The following SEC24A variants were observed in gnomAD, a reference collection of about 807,000 sequenced individuals.
The protein encoded by SEC24A is protein transport protein Sec24A.
SEC24A carries 93 observed loss-of-function variants against 129.4 expected under a neutral mutation model. The ratio of observed to expected loss-of-function variants is 0.72; its 90% CI spans 0.61 to 0.85. The LOEUF (loss-of-function observed/expected upper bound fraction) is 0.85, where lower values mean the gene tolerates loss of function less well. Ranked by LOEUF, SEC24A falls within the 40% of genes least tolerant of loss-of-function variation. The pLI is 0.00. For synonymous variants in SEC24A, 460 were observed against 467.3 expected (o/e 0.98, Z 0.20); for missense variants, 1,264 against 1,307.4 (o/e 0.97, Z 0.51).
intron 4 of SEC24A, among the ~76,000 whole-genome samples, chr5:134,673,298 C>T (rs1280950658): frequency 1.3e-5 from 2 of 151,950 alleles, no homozygotes; most frequent in African/African-American, 4.8e-5. Flanking sequence ...TTGTGATCCA[C>T]CTACCTCGGC....
At chr5:134,651,832 G>A (rs1750064485) in intron 1 of SEC24A, among the ~76,000 whole-genome samples, 1 of 151,888 alleles carries the variant, frequency 6.6e-6, no homozygotes, top group Non-Finnish European at 1.5e-5. Flanking sequence ...TTGGAGAACA[G>A]GATATTTTTC....
intron 2 of SEC24A, among the ~76,000 whole-genome samples, chr5:134,664,433 C>T (rs1750582882): frequency 6.6e-6 from 1 of 151,910 alleles, no homozygotes; most frequent in African/African-American, 2.4e-5. Flanking sequence ...CTATCAGTGT[C>T]GTAAATAAGA....
rs1277488891 is a variant in SEC24A at position 134,675,221 on chromosome 5, A to C, written c.1151+4A>C. The C allele has an allele frequency of 1.2e-6, 2 of 1,606,720 alleles. No individual in the cohort carries two copies. The highest frequency in any genetic ancestry group is 1.7e-6 in the Non-Finnish European group (2 of 1,174,716). ...AGAAACTCAACTGTAACCCAGAGTA[A>C]GGCTTCAGATGTGACATTATGCATG... On this transcript the variant is annotated splice_donor_region_variant and intron_variant, in intron 6 of 22. Coordinates refer to ENST00000398844, the MANE Select transcript of SEC24A (RefSeq NM_021982.3).
Position 134,708,704 on chromosome 5 carries a change from C to T in SEC24A, c.2552-9C>T. On this transcript the variant is annotated splice_polypyrimidine_tract_variant and intron_variant, in intron 17 of 22. Transcript: ENST00000398844. ...ATTTCTTTTTTGTCCTTACCCTCAC[C>T]TTGCTTAGCTGTTGACAGATCTATG... 1.2e-6 allele frequency: 2 copies of T among 1,606,514 alleles called. No homozygotes were observed. Among genetic ancestry groups the T allele is most frequent in the Non-Finnish European group, 1.7e-6 (2 of 1,177,356 alleles).
At position 134,695,768 on chromosome 5, in the gene SEC24A, G is replaced by T. The variant is rs539733238; in HGVS notation, c.1987-1358G>T. On this transcript the variant is annotated intron_variant, in intron 13 of 22. Transcript: ENST00000398844. ...CACTCCAGCCTGAGCGACAGAGTGA[G>T]ACTCCGTCTCAAAACAACAACAACA... is the stretch of plus-strand genomic sequence containing the variant. 1.6e-4 allele frequency among the ~76,000 whole-genome samples: 24 copies of T among 151,906 alleles called. No individual in the cohort carries two copies. The South Asian group carries it at 2.9e-3, about 18-fold the overall frequency.
chr5:134,652,177 C>G (rs1750079880), intron 1 of SEC24A, among the ~76,000 whole-genome samples: 1 of 151,860 alleles, frequency 6.6e-6, no homozygotes, highest in Admixed American at 6.6e-5. Context: ...CCGCGTCGGC[C>G]TCCCAAAGTG....
At chr5:134,673,883 C>A (rs1750961840) in intron 4 of SEC24A, among the ~76,000 whole-genome samples, 1 of 152,104 alleles carries the variant, frequency 6.6e-6, no homozygotes, top group African/African-American at 2.4e-5. Flanking sequence ...GGCCTGTAAT[C>A]CTATCTTCGG....
chr5:134,658,034 T>C (rs1007755560), intron 1 of SEC24A, among the ~76,000 whole-genome samples: 9 of 152,120 alleles, frequency 5.9e-5, no homozygotes, highest in Non-Finnish European at 2.9e-5. Context: ...TTTGGGAGGC[T>C]GAGGTGGCCA....
At chr5:134,657,854 A>C (rs1370021395) in intron 1 of SEC24A, among the ~76,000 whole-genome samples, 1 of 152,218 alleles carries the variant, frequency 6.6e-6, no homozygotes, top group Non-Finnish European at 1.5e-5. Context: ...TCGGATTACA[A>C]GATCAAGCCA....
At chr5:134,716,957 G>A (rs1355602173) in intron 19 of SEC24A, among the ~76,000 whole-genome samples, 5 of 147,608 alleles carry the variant, frequency 3.4e-5, no homozygotes, top group South Asian at 2.2e-4. Context: ...TCGGCTCACC[G>A]CAGCCTCCGC....
intron 6 of SEC24A, among the ~76,000 whole-genome samples, 155 bp downstream of exon 6, chr5:134,675,372 G>A (rs79263174): frequency 6.6e-6 from 1 of 152,130 alleles, no homozygotes; most frequent in African/African-American, 2.4e-5. Context: ...ACTTAATAGA[G>A]ATTTGAAAAG....
intron 9 of SEC24A, among the ~76,000 whole-genome samples, chr5:134,682,914 CTAAAG>C (rs1751325629): frequency 6.6e-6 from 1 of 151,968 alleles, no homozygotes; most frequent in African/African-American, 2.4e-5. Flanking sequence ...TTGTTTATTA[CTAAAG>C]TAATTAATAT....
chr5:134,707,334 TA>T (rs1405418665), intron 17 of SEC24A, among the ~76,000 whole-genome samples: 1 of 151,714 alleles, frequency 6.6e-6, no homozygotes, highest in South Asian at 2.1e-4. Context: ...TTTATTTATT[TA>T]TTTTTTTTTT....
In SEC24A at chr5:134,649,018, T is replaced by A. The variant is rs1749954212; in HGVS notation, c.-59T>A. On this transcript the variant is annotated 5_prime_UTR_variant, in exon 1 of 23. Transcript: ENST00000398844. ...TCCCTCCGCTTTCAGCAGTGGTCTTTCAGCTCTCTTCTTGTGCGCTGTTGT... is the reference window on the plus strand; with the variant it reads ...TCCCTCCGCTTTCAGCAGTGGTCTTACAGCTCTCTTCTTGTGCGCTGTTGT... 5 of 1,275,568 alleles carry A rather than the reference T, an allele frequency of 3.9e-6. No homozygotes were observed. The highest frequency in any genetic ancestry group is 3.8e-4 in the Middle Eastern group (2 of 5,306). The allele number at this position is 1,275,568 out of a possible 1,614,324, so 79.0% of individuals were successfully genotyped here. A position where few individuals can be genotyped will look rare whatever the true frequency, so the allele number is the denominator to read the frequency against.
chr5:134,705,071 TA>T (rs1339090758), intron 16 of SEC24A, among the ~76,000 whole-genome samples: 15 of 87,926 alleles, frequency 1.7e-4, no homozygotes, highest in Admixed American at 1.1e-4. Flanking sequence ...TATTTATATT[TA>T]TATATATATA....
intron 3 of SEC24A, among the ~76,000 whole-genome samples, chr5:134,667,715 A>AGTGGCACATACTT (rs2150077057): frequency 6.6e-6 from 1 of 152,124 alleles, no homozygotes; most frequent in South Asian, 2.1e-4. Flanking sequence ...TATTATCGTA[A>AGTGGCACATACTT]ATGTTAACAC....
chr5:134,687,540 G>A (rs371777151), intron 10 of SEC24A, among the ~76,000 whole-genome samples: 1 of 152,256 alleles, frequency 6.6e-6, no homozygotes, highest in East Asian at 1.9e-4. Context: ...GCTTGTGTGT[G>A]GTGTGGAGGC....
intron 13 of SEC24A, among the ~76,000 whole-genome samples, chr5:134,696,728 G>GC (rs1454682300): frequency 6.6e-6 from 1 of 151,894 alleles, no homozygotes; most frequent in Non-Finnish European, 1.5e-5. Flanking sequence ...TCGATCTCCG[G>GC]CCCTCGTGAT....
chr5:134,691,089 G>A (rs533514837), intron 11 of SEC24A, among the ~76,000 whole-genome samples: 1 of 152,072 alleles, frequency 6.6e-6, no homozygotes, highest in East Asian at 1.9e-4. Flanking sequence ...CTGGCCTCAA[G>A]TGAACTGCCC....
Sources: allele counts gnomAD v4.1 joint callset (sites outside exome capture counted in the v4.1 genomes callset), GRCh38; gene constraint gnomAD v4.1.1; transcripts MANE v1.5; gene names NCBI Gene and HGNC (gene_info 2026-07-23, HGNC 2026-07-21).